The following DIAPH3 variants were observed in gnomAD, a reference collection of about 807,000 sequenced individuals.
DIAPH3 encodes the protein protein diaphanous homolog 3.
Under a neutral mutation model 144.3 loss-of-function variants are expected in DIAPH3, and 117 were observed. The ratio of observed to expected loss-of-function variants is 0.81; its 90% CI spans 0.70 to 0.95. The LOEUF is 0.95. Among genes scored for constraint, DIAPH3 ranks in the 40% least tolerant of loss-of-function variants. The pLI is 0.00. For synonymous variants in DIAPH3, 519 were observed against 488.9 expected (o/e 1.06, Z -0.81); for missense variants, 1,421 against 1,412.7 (o/e 1.01, Z -0.09).
chr13:60,008,170 G>A (rs886641386), intron 9 of DIAPH3, among the ~76,000 whole-genome samples: 7 of 152,074 alleles, frequency 4.6e-5, no homozygotes, highest in African/African-American at 1.7e-4. Flanking sequence ...GACGCGGGTA[G>A]ATCACGAGAT....
intron 20 of DIAPH3, among the ~76,000 whole-genome samples, chr13:59,901,792 T>C (rs1487762709): frequency 6.6e-6 from 1 of 152,200 alleles, no homozygotes; most frequent in Non-Finnish European, 1.5e-5. Context: ...TCTAAGTTTC[T>C]CCAACAAAAT....
intron 1 of DIAPH3, among the ~76,000 whole-genome samples, chr13:60,162,789 T>A: frequency 7.9e-6 from 1 of 126,030 alleles, no homozygotes. Flanking sequence ...CTGTACTCTC[T>A]CTCTCTCTCT....
At chr13:59,730,163 T>C (rs2035827046) in intron 27 of DIAPH3, among the ~76,000 whole-genome samples, 1 of 152,122 alleles carries the variant, frequency 6.6e-6, no homozygotes, top group South Asian at 2.1e-4. Flanking sequence ...CTATGAGAAA[T>C]AGCAAAACTA....
chr13:59,889,851 C>A (rs910597883), intron 20 of DIAPH3, among the ~76,000 whole-genome samples: 1 of 151,804 alleles, frequency 6.6e-6, no homozygotes, highest in African/African-American at 2.4e-5. Flanking sequence ...TTTCTTAGAC[C>A]CTCTAACTTA....
At chr13:59,802,825 G>T (rs1443691781) in intron 25 of DIAPH3, among the ~76,000 whole-genome samples, 1 of 148,270 alleles carries the variant, frequency 6.7e-6, no homozygotes, top group South Asian at 2.1e-4. Flanking sequence ...GGGACTACAG[G>T]CGCCCGCCAC....
intron 25 of DIAPH3, among the ~76,000 whole-genome samples, chr13:59,784,812 T>C (rs753101261): frequency 1.3e-5 from 2 of 152,056 alleles, no homozygotes; most frequent in South Asian, 2.1e-4. Flanking sequence ...CATAGGCTTA[T>C]AGTTTAACCC....
intron 25 of DIAPH3, among the ~76,000 whole-genome samples, chr13:59,792,202 A>C (rs2039362263): frequency 6.6e-6 from 1 of 152,178 alleles, no homozygotes; most frequent in Non-Finnish European, 1.5e-5. Context: ...TAAAGTCTGC[A>C]GGGCACAGGT....
chr13:59,931,436 C>T (rs2048010926), intron 17 of DIAPH3, among the ~76,000 whole-genome samples: 1 of 152,168 alleles, frequency 6.6e-6, no homozygotes, highest in Non-Finnish European at 1.5e-5. Flanking sequence ...AAAGCAAACT[C>T]TTCACCTGGT....
rs911274043 is a variant in DIAPH3, at chr13:59,825,169, T to G, written c.3027+7938A>C. ...GTCATTTAGCATTAGGTATATCTCC[T>G]AATGCTATCCCTCCCCTCTCCCCCT... is the stretch of plus-strand genomic sequence containing the variant. On this transcript the variant is annotated intron_variant, in intron 24 of 27. Transcript: ENST00000400324. Among the ~76,000 whole-genome samples, 5 of 152,174 alleles carry G rather than the reference T, an allele frequency of 3.3e-5. No homozygotes were observed. In the East Asian group the frequency reaches 7.7e-4, roughly 24 times the overall value.
intron 1 of DIAPH3, among the ~76,000 whole-genome samples, chr13:60,136,331 T>C (rs1001936850): frequency 3.9e-5 from 6 of 151,958 alleles, no homozygotes; most frequent in Non-Finnish European, 7.4e-5. Context: ...ACTGCAAACA[T>C]CAATCCAGTT....
intron 9 of DIAPH3, among the ~76,000 whole-genome samples, chr13:60,003,161 T>C (rs529266849): frequency 1.4e-4 from 22 of 152,154 alleles, no homozygotes; most frequent in Non-Finnish European, 2.9e-4. Flanking sequence ...CAGCAGAGAG[T>C]TGGGAGTGGC....
rs1284047590 is a variant in DIAPH3 at position 60,062,511 on chromosome 13, A to G, written c.496-19691T>C. On this transcript the variant is annotated intron_variant, in intron 4 of 27. Coordinates refer to ENST00000400324, the MANE Select transcript of DIAPH3 (RefSeq NM_001042517.2). ...CTTCCAATTACCTTTAAACCTTTAC[A>G]TTCTGACATCTACCAAGCACAACCC... is the stretch of plus-strand genomic sequence containing the variant. Among the ~76,000 whole-genome samples, 10 of 152,258 alleles carry G rather than the reference A, an allele frequency of 6.6e-5. No individual in the cohort carries two copies. In the South Asian group the frequency reaches 8.3e-4, roughly 13 times the overall value.
chr13:60,114,286 CG>C (rs1566787820), intron 2 of DIAPH3, among the ~76,000 whole-genome samples: 1 of 143,336 alleles, frequency 7.0e-6, no homozygotes, highest in African/African-American at 2.6e-5. Flanking sequence ...AAAAAAAACA[CG>C]GATGAATTAG....
At chr13:59,913,832 C>T (rs1204114458) in intron 19 of DIAPH3, among the ~76,000 whole-genome samples, 2 of 151,916 alleles carry the variant, frequency 1.3e-5, no homozygotes, top group East Asian at 1.9e-4. Context: ...GTGGCGGGTG[C>T]CTGAAATCCC....
intron 27 of DIAPH3, among the ~76,000 whole-genome samples, chr13:59,688,274 T>A (rs2033321453): frequency 6.6e-6 from 1 of 152,078 alleles, no homozygotes; most frequent in African/African-American, 2.4e-5. Context: ...CCTGCAATTT[T>A]AAAATCTGAA....
chr13:59,825,151 AG>A (rs775623669), intron 24 of DIAPH3, among the ~76,000 whole-genome samples: 32 of 152,134 alleles, frequency 2.1e-4, no homozygotes, highest in Non-Finnish European at 4.4e-4. Context: ...CTCGTCATTT[AG>A]CATTAGGTAT....
intron 20 of DIAPH3, among the ~76,000 whole-genome samples, chr13:59,910,992 C>T (rs1593944872): frequency 6.6e-6 from 1 of 151,640 alleles, no homozygotes; most frequent in East Asian, 1.9e-4. Context: ...CAAATTTCAT[C>T]CTGGCCCTGG....
chr13:59,874,989 T>C (rs1242359142), intron 21 of DIAPH3, among the ~76,000 whole-genome samples: 1 of 152,184 alleles, frequency 6.6e-6, no homozygotes, highest in Non-Finnish European at 1.5e-5. Context: ...AATTATCTCA[T>C]ATATTTTAAT....
intron 2 of DIAPH3, among the ~76,000 whole-genome samples, chr13:60,118,221 CAA>C (rs1029177388): frequency 6.6e-6 from 1 of 151,344 alleles, no homozygotes; most frequent in Admixed American, 6.6e-5. Context: ...ATTAATTAAA[CAA>C]AAAAAGGTTC....
Sources: gnomAD v4.1 joint callset for allele counts (sites outside exome capture counted in the v4.1 genomes callset) on GRCh38, gnomAD v4.1.1 for gene constraint, MANE v1.5 for transcripts, NCBI Gene and HGNC (gene_info 2026-07-23, HGNC 2026-07-21) for gene names.